The following BTAF1 variants were observed in gnomAD, a reference collection of about 807,000 sequenced individuals.
The protein encoded by BTAF1 is B-TFIID TATA-box binding protein associated factor 1.
In BTAF1, 38 loss-of-function variants were observed where a neutral mutation model predicts 227.1. The observed-to-expected ratio is 0.17, with a 90% CI of 0.13 to 0.22. BTAF1 has a LOEUF of 0.22. Ranked by LOEUF, BTAF1 falls within the 10% of genes least tolerant of loss-of-function variation. The pLI, the probability that BTAF1 is intolerant of heterozygous loss-of-function variation, is 1.00. For missense variants in BTAF1, 1,598 were observed against 2,204.0 expected, an observed-to-expected ratio of 0.73 and a Z score of 5.51; for synonymous variants, 742 against 751.9, an observed-to-expected ratio of 0.99 and a Z score of 0.21.
At position 91,939,922 on chromosome 10, in the gene BTAF1, A is replaced by G. The variant is rs1180499927; in HGVS notation, c.139-30A>G. On this transcript the variant is annotated intron_variant, in intron 2 of 37. Transcript: ENST00000265990. Reference sequence around the variant, plus strand: ...TACCTTGCGCAAACAATATTTTTGTATACGTAACTTTTATTTTATAATTTT... The same window carrying G: ...TACCTTGCGCAAACAATATTTTTGTGTACGTAACTTTTATTTTATAATTTT... 6.4e-6 allele frequency: 9 copies of G among 1,411,504 alleles called. No homozygotes were observed. In the Admixed American group the frequency reaches 6.8e-5, roughly 11 times the overall value. The allele number at this position is 1,411,504 out of a possible 1,614,324, so 87.4% of individuals were successfully genotyped here. A position where few individuals can be genotyped will look rare whatever the true frequency, so the allele number is the denominator to read the frequency against.
At position 91,923,948 on chromosome 10, in the gene BTAF1, C is replaced by T. The variant is rs1843650545; in HGVS notation, c.-129C>T. The T allele has an allele frequency of 5.7e-6, 7 of 1,225,546 alleles. No individual in the cohort carries two copies. Among genetic ancestry groups the T allele is most frequent in the Non-Finnish European group, 7.5e-6 (7 of 927,244 alleles). 75.9% of individuals were successfully genotyped at this position (1,225,546 alleles called of 1,614,324 possible). ...ATGCCCGAGGGCCTGCGCTGGAACGCCCCACGCCGCACCGGCCGCTCCCCT... is the reference window on the plus strand; with the variant it reads ...ATGCCCGAGGGCCTGCGCTGGAACGTCCCACGCCGCACCGGCCGCTCCCCT... On this transcript the variant is annotated 5_prime_UTR_variant, in exon 1 of 38. Coordinates refer to ENST00000265990, the MANE Select transcript of BTAF1 (RefSeq NM_003972.3).
At chr10:91,952,447 A>C (rs1564668122) in intron 5 of BTAF1, among the ~76,000 whole-genome samples, 1 of 152,150 alleles carries the variant, frequency 6.6e-6, no homozygotes, top group Non-Finnish European at 1.5e-5. Flanking sequence ...CACATGTGAG[A>C]TATTACATCT....
intron 1 of BTAF1, among the ~76,000 whole-genome samples, chr10:91,927,314 T>C (rs1843923888): frequency 6.6e-6 from 1 of 151,974 alleles, no homozygotes; most frequent in African/African-American, 2.4e-5. Flanking sequence ...AATTTTGTAT[T>C]TTTAGTAGAG....
intron 4 of BTAF1, among the ~76,000 whole-genome samples, chr10:91,950,462 G>A (rs1020615090): frequency 2.0e-5 from 3 of 151,600 alleles, no homozygotes; most frequent in East Asian, 1.9e-4. Flanking sequence ...GAAGCAGATC[G>A]TTATTGTTTT....
chr10:91,991,207 C>T (rs1450926153), intron 20 of BTAF1, among the ~76,000 whole-genome samples: 7 of 147,988 alleles, frequency 4.7e-5, no homozygotes, highest in African/African-American at 1.7e-4. Context: ...GATCGCACTG[C>T]TGCACTCCAG....
In BTAF1 at chr10:91,966,628, C is replaced by CT. The variant is rs1408032644; in HGVS notation, c.1530-6dup. ...AATAAGTAAGATTAATTTGTGTCTT[C>CT]TTTATTAGTATTCAGCAGTCACTGA... On this transcript the variant is annotated splice_polypyrimidine_tract_variant and intron_variant, in intron 13 of 37. Coordinates refer to ENST00000265990, the MANE Select transcript of BTAF1 (RefSeq NM_003972.3). 6.2e-7 allele frequency: 1 copy of CT among 1,612,270 alleles called. No individual in the cohort carries two copies. Among genetic ancestry groups the CT allele is most frequent in the Non-Finnish European group, 8.5e-7 (1 of 1,179,210 alleles).
Position 91,996,528 on chromosome 10 carries a change from G to A in BTAF1, c.3469G>A (p.Asp1157Asn). 5.0e-6 allele frequency: 8 copies of A among 1,614,138 alleles called. No homozygotes were observed. The highest frequency in any genetic ancestry group is 6.8e-6 in the Non-Finnish European group (8 of 1,180,010). Residue 1157 changes from aspartate (D) to asparagine (N), a missense_variant, in exon 24 of 38, where the codon GAT becomes AAT. This residue lies in a region of BTAF1 where 425 missense variants were observed against 491.2 expected (regional missense o/e 0.87). Transcript: ENST00000265990. Reference sequence around the variant, plus strand: ...GGTTCTTCCGTGGCTGGGAGCAATTGATGACAGTGTCAAACAAGAGGGTGC... The same window carrying A: ...GGTTCTTCCGTGGCTGGGAGCAATTAATGACAGTGTCAAACAAGAGGGTGC... ...EKVLPWLGAI[D>N]DSVKQEGAIE...
chr10:91,987,388 C>G (rs1300009737), intron 19 of BTAF1, among the ~76,000 whole-genome samples: 1 of 151,994 alleles, frequency 6.6e-6, no homozygotes, highest in Non-Finnish European at 1.5e-5. Context: ...GAGGCTGAAG[C>G]AGGAGAATGG....
chr10:92,007,501 G>A (rs1248858496), intron 25 of BTAF1, among the ~76,000 whole-genome samples: 2 of 152,014 alleles, frequency 1.3e-5, no homozygotes, highest in Non-Finnish European at 2.9e-5. Flanking sequence ...GGGATTACTG[G>A]TGCGAGCCAC....
intron 21 of BTAF1, among the ~76,000 whole-genome samples, chr10:91,993,445 T>C (rs1346388830): frequency 2.0e-5 from 3 of 152,196 alleles, no homozygotes; most frequent in Non-Finnish European, 4.4e-5. Flanking sequence ...TATCCGTCTG[T>C]TCCTTATCCT....
rs1491351671 is a variant in BTAF1, at chr10:92,030,656, A to ATATT, written c.*1726_*1729dup. On this transcript the variant is annotated 3_prime_UTR_variant, in exon 38 of 38. Transcript: ENST00000265990. ...AATGTCAGATAGAGCTAGAAGTCAG[A>ATATT]TATTTAGGCTGTTTAAACTTTCTGA... 2.2e-4 allele frequency among the ~76,000 whole-genome samples: 31 copies of ATATT among 142,498 alleles called. No homozygotes were observed. The highest frequency in any genetic ancestry group is 6.4e-4 in the African/African-American group (26 of 40,660). 93.5% of individuals were successfully genotyped at this position (142,498 alleles called of 152,430 possible).
At position 91,958,087 on chromosome 10, in the gene BTAF1, C is replaced by T. The variant is rs533008385; in HGVS notation, c.900+794C>T. On this transcript the variant is annotated intron_variant, in intron 8 of 37. Coordinates refer to ENST00000265990, the MANE Select transcript of BTAF1 (RefSeq NM_003972.3). ...TTTTTGAGATGGAGTCTCACTCTGT[C>T]TCCCAGGCTGAAGTGCAGTGGCACG... Among the ~76,000 whole-genome samples the T allele has an allele frequency of 6.6e-5, 10 of 152,208 alleles. No individual in the cohort carries two copies. In the East Asian group the frequency reaches 1.9e-3, roughly 30 times the overall value.
intron 2 of BTAF1, among the ~76,000 whole-genome samples, chr10:91,939,560 T>C (rs902448545): frequency 6.6e-6 from 1 of 152,212 alleles, no homozygotes; most frequent in African/African-American, 2.4e-5. Flanking sequence ...TGTCTCAGCC[T>C]CCCAAGTAGT....
At chr10:91,997,436 G>A (rs1849218512) in intron 24 of BTAF1, among the ~76,000 whole-genome samples, 167 bp from the exon 25 acceptor site, 1 of 152,186 alleles carries the variant, frequency 6.6e-6, no homozygotes, top group South Asian at 2.1e-4. Flanking sequence ...AACAAAATGG[G>A]CAGATACTTT....
At position 91,923,770 on chromosome 10, in the gene BTAF1, AGTTGT is replaced by A. The variant is rs1843635779; in HGVS notation, c.-305_-301del. On this transcript the variant is annotated 5_prime_UTR_variant, in exon 1 of 38. Coordinates refer to ENST00000265990, the MANE Select transcript of BTAF1 (RefSeq NM_003972.3). ...CGTCACTTCCGGCGCGCTGACGCTC[AGTTGT>A]GCGTGCCGACGCCCGCGTCAGCAAA... 1 of 378,964 alleles carries A rather than the reference AGTTGT, an allele frequency of 2.6e-6. No homozygotes were observed. The highest frequency in any genetic ancestry group is 4.7e-6 in the Non-Finnish European group (1 of 212,070). The allele number at this position is 378,964 out of a possible 1,614,324, so 23.5% of individuals were successfully genotyped here. A position where few individuals can be genotyped will look rare whatever the true frequency, so the allele number is the denominator to read the frequency against.
chr10:91,937,542 A>G (rs183475177), intron 2 of BTAF1, among the ~76,000 whole-genome samples: 75 of 152,306 alleles, frequency 4.9e-4, no homozygotes, highest in South Asian at 1.5e-3. Context: ...TGAACATTTT[A>G]TATAAAATGA....
intron 13 of BTAF1, among the ~76,000 whole-genome samples, chr10:91,965,120 G>A (rs1846807147): frequency 6.6e-6 from 1 of 152,110 alleles, no homozygotes; most frequent in South Asian, 2.1e-4. Context: ...AGTAGGAATA[G>A]CAAAATAAGT....
intron 28 of BTAF1, among the ~76,000 whole-genome samples, chr10:92,010,657 G>T (rs1202515623): frequency 2.0e-5 from 3 of 152,114 alleles, no homozygotes; most frequent in South Asian, 2.1e-4. Flanking sequence ...CCTTGTTTGG[G>T]TCATGCTCCC....
chr10:91,989,431 C>T lies in BTAF1; in HGVS notation c.2705C>T (p.Ala902Val). 1 of 1,614,114 alleles carries T rather than the reference C, an allele frequency of 6.2e-7. No homozygotes were observed. ...CAAAACTATGCAGCTCAGTGCATAG[C>T]TAAACTCCTTCAGCAGTGCACAACA... ...LVQNYAAQCI[A>V]KLLQQCTTRT... Residue 902 changes from alanine to valine, a missense_variant, in exon 20 of 38, where the codon GCT (alanine) becomes GTT (valine). Physicochemically the swap from Ala to Val is moderately conservative, Grantham distance 64. Coordinates refer to ENST00000265990, the MANE Select transcript of BTAF1 (RefSeq NM_003972.3).
Sources: gnomAD v4.1 joint callset for allele counts (sites outside exome capture counted in the v4.1 genomes callset) on GRCh38, gnomAD v4.1.1 for gene constraint, gnomAD v4.1.1 regional missense constraint, MANE v1.5 for transcripts, NCBI Gene and HGNC (gene_info 2026-07-23, HGNC 2026-07-21) for gene names.